C8orf74: variants seen among roughly 807,000 people sequenced by gnomAD.
C8orf74 encodes the protein uncharacterized protein C8orf74.
A neutral mutation model predicts 22.2 loss-of-function variants in C8orf74; 29 were observed. The observed-to-expected ratio is 1.31, with a 90% confidence interval of 0.97 to 1.78. The LOEUF (loss-of-function observed/expected upper bound fraction) is 1.78, where lower values mean the gene tolerates loss of function less well. Among genes scored for constraint, C8orf74 ranks in the 40% most tolerant of loss-of-function variants. C8orf74 has a pLI of 0.00. For synonymous variants in C8orf74, 255 were observed against 163.1 expected (o/e 1.56, Z -4.30); for missense variants, 515 against 369.9 (o/e 1.39, Z -3.22).
At chr8:10,684,212 T>C (rs1799214359) in intron 2 of C8orf74, among the ~76,000 whole-genome samples, 1 of 152,100 alleles carries the variant, frequency 6.6e-6, no homozygotes, top group South Asian at 2.1e-4. Flanking sequence ...TTCAGAGAGG[T>C]TTGATAACTT....
chr8:10,675,198 T>C (rs1345200811), intron 2 of C8orf74, among the ~76,000 whole-genome samples: 1 of 152,266 alleles, frequency 6.6e-6, no homozygotes, highest in Non-Finnish European at 1.5e-5. Context: ...CTGCACGTTG[T>C]TCCTGGTAGG....
intron 2 of C8orf74, among the ~76,000 whole-genome samples, chr8:10,686,250 T>C (rs1014879870): frequency 6.6e-6 from 1 of 152,176 alleles, no homozygotes; most frequent in African/African-American, 2.4e-5. Context: ...AGTTGGAGGA[T>C]CTGGACTGAG....
At chr8:10,700,070 G>C (rs1468032467) in intron 3 of C8orf74, among the ~76,000 whole-genome samples, 165 bp from the exon 4 acceptor site, 2 of 152,206 alleles carry the variant, frequency 1.3e-5, no homozygotes, top group Non-Finnish European at 2.9e-5. Flanking sequence ...CCCCTAGTTG[G>C]CTGAAGTCAA....
At chr8:10,682,261 C>T (rs1799167049) in intron 2 of C8orf74, among the ~76,000 whole-genome samples, 1 of 152,194 alleles carries the variant, frequency 6.6e-6, no homozygotes, top group South Asian at 2.1e-4. Context: ...CACAGCGGCC[C>T]TAGATTAAGA....
intron 2 of C8orf74, chr8:10,679,853 T>A (rs552027427): frequency 1.3e-5 from 2 of 152,864 alleles, no homozygotes; most frequent in Non-Finnish European, 2.9e-5. Flanking sequence ...GTCCTTCTCA[T>A]GCCCTGCTTC....
In C8orf74 at chr8:10,700,367, G is replaced by GCCCCCCCCCCCAGACCCCC; in HGVS notation, c.786_787insCCCCCCAGACCCCCCCCCC (p.Thr263ProfsTer63). On this transcript the variant is annotated frameshift_variant, in exon 4 of 4. Coordinates refer to ENST00000304519, the MANE Select transcript of C8orf74 (RefSeq NM_001040032.2). LOFTEE classifies it low-confidence loss of function (END_TRUNC). Reference sequence around the variant, plus strand: ...TCAGAAGAAGACTCTGAACCTCAACGCCCCCACCCCTATCCCGCCCCCCAT... The same window carrying GCCCCCCCCCCCAGACCCCC: ...TCAGAAGAAGACTCTGAACCTCAACGCCCCCCCCCCCAGACCCCCCCCCCACCCCTATCCCGCCCCCCAT... 6.3e-7 allele frequency: 1 copy of GCCCCCCCCCCCAGACCCCC among 1,590,932 alleles called. No individual in the cohort carries two copies. Among genetic ancestry groups the GCCCCCCCCCCCAGACCCCC allele is most frequent in the Non-Finnish European group, 8.6e-7 (1 of 1,159,764 alleles).
intron 2 of C8orf74, among the ~76,000 whole-genome samples, chr8:10,678,227 T>C (rs1419679911): frequency 6.6e-6 from 1 of 152,176 alleles, no homozygotes; most frequent in African/African-American, 2.4e-5. Flanking sequence ...GCAAGTCTCA[T>C]CCTTCTGAGC....
chr8:10,695,091 G>T (rs1024781050), intron 2 of C8orf74, among the ~76,000 whole-genome samples: 1 of 152,070 alleles, frequency 6.6e-6, no homozygotes, highest in African/African-American at 2.4e-5. Context: ...AAGGCTGGAT[G>T]GGGGAGGGGA....
chr8:10,678,972 G>C (rs1198535731), intron 2 of C8orf74, among the ~76,000 whole-genome samples: 6 of 152,196 alleles, frequency 3.9e-5, no homozygotes, highest in Non-Finnish European at 7.3e-5. Flanking sequence ...CCCAGATGCC[G>C]AGGGTAGAAT....
intron 2 of C8orf74, among the ~76,000 whole-genome samples, chr8:10,687,513 G>T (rs925241481): frequency 1.3e-5 from 2 of 150,390 alleles, no homozygotes; most frequent in East Asian, 4.0e-4. Context: ...TTGGGAAGCT[G>T]AGACAGGAGA....
At chr8:10,695,697 G>A (rs1279777303) in intron 2 of C8orf74, among the ~76,000 whole-genome samples, 3 of 152,174 alleles carry the variant, frequency 2.0e-5, no homozygotes, top group African/African-American at 7.2e-5. Flanking sequence ...GCAAGACTGA[G>A]ACAGTCCCTG....
chr8:10,682,203 G>A (rs1329730635), intron 2 of C8orf74, among the ~76,000 whole-genome samples: 1 of 152,166 alleles, frequency 6.6e-6, no homozygotes, highest in African/African-American at 2.4e-5. Context: ...GCGAGACCTG[G>A]AGGGGCCTTT....
intron 2 of C8orf74, chr8:10,689,073 C>G (rs1052277397): frequency 1.3e-5 from 2 of 152,354 alleles, no homozygotes; most frequent in Non-Finnish European, 2.9e-5. Context: ...CCCAGCCAAG[C>G]TTTCACAGAC....
chr8:10,693,790 G>A (rs145380548), intron 2 of C8orf74, among the ~76,000 whole-genome samples: 3,202 of 152,274 alleles, frequency 0.021, 111 homozygotes, highest in African/African-American at 0.068. Flanking sequence ...TACGTCCGAG[G>A]ACGGCCAGGT....
intron 2 of C8orf74, among the ~76,000 whole-genome samples, chr8:10,694,159 G>A (rs1367992248): frequency 6.6e-6 from 1 of 152,060 alleles, no homozygotes; most frequent in Non-Finnish European, 1.5e-5. Flanking sequence ...ACTATGCACT[G>A]TCATTATCTG....
At position 10,697,829 on chromosome 8, in the gene C8orf74, G is replaced by T. The variant is rs762680597; in HGVS notation, c.472G>T (p.Asp158Tyr). The change falls in exon 3 of 4, where the codon GAC (aspartate) becomes TAC (tyrosine). Residue 158 changes from aspartate to tyrosine, a missense_variant. Physicochemically the swap from Asp to Tyr is radical, Grantham distance 160. Coordinates refer to ENST00000304519, the MANE Select transcript of C8orf74 (RefSeq NM_001040032.2). The stretch of plus-strand genomic sequence containing the variant: ...TCCCCTCCCGCTGGCCGAGGGCATG[G>T]ACAGGGACTTGTGGATCCACGAGCA... ...PHPLPLAEGM[D>Y]RDLWIHEQQV... is the part of the protein sequence containing the mutation. 3 of 1,613,754 alleles carry T rather than the reference G, an allele frequency of 1.9e-6. No individual in the cohort carries two copies. Among genetic ancestry groups the T allele is most frequent in the Non-Finnish European group, 2.5e-6 (3 of 1,179,856 alleles).
At chr8:10,694,917 CGGATGGAT>C (rs1039042153) in intron 2 of C8orf74, among the ~76,000 whole-genome samples, 1 of 150,444 alleles carries the variant, frequency 6.6e-6, no homozygotes, top group African/African-American at 2.5e-5. Flanking sequence ...GATGGGTGGA[CGGATGGAT>C]GGATGGATGG....
At chr8:10,680,242 C>T (rs942158085) in intron 2 of C8orf74, among the ~76,000 whole-genome samples, 2 of 152,166 alleles carry the variant, frequency 1.3e-5, no homozygotes, top group South Asian at 2.1e-4. Context: ...AGTTCAAATC[C>T]CACTGCGGTC....
intron 2 of C8orf74, among the ~76,000 whole-genome samples, chr8:10,678,447 G>C (rs1240080045): frequency 6.6e-6 from 1 of 152,174 alleles, no homozygotes. Flanking sequence ...GCATAGTCAG[G>C]GGTCACCCGC....
Sources: allele counts gnomAD v4.1 joint callset (sites outside exome capture counted in the v4.1 genomes callset), GRCh38; gene constraint gnomAD v4.1.1; transcripts MANE v1.5; gene names NCBI Gene and HGNC (gene_info 2026-07-23, HGNC 2026-07-21).